Variants in GXYLT2 observed in about 807,000 individuals in gnomAD.
GXYLT2 encodes the protein glycosyltransferase 8 domain containing 4.
Under a neutral mutation model 45.8 loss-of-function variants are expected in GXYLT2, and 53 were observed. That is an observed-to-expected ratio of 1.16 (90% CI 0.93 to 1.46). The LOEUF (loss-of-function observed/expected upper bound fraction) is 1.46. GXYLT2 is among the 40% of genes most tolerant of loss of function. The pLI is 0.00. For synonymous variants in GXYLT2, 219 were observed against 214.2 expected, an observed-to-expected ratio of 1.02 and a Z score of -0.19; for missense variants, 551 against 544.4, an observed-to-expected ratio of 1.01 and a Z score of -0.12.
At chr3:72,894,595 T>C (rs1267112275) in intron 1 of GXYLT2, among the ~76,000 whole-genome samples, 1 of 152,176 alleles carries the variant, frequency 6.6e-6, no homozygotes, top group Non-Finnish European at 1.5e-5. Flanking sequence ...CGCACCTGAA[T>C]GTGTGTTCCA....
At position 72,955,130 on chromosome 3, in the gene GXYLT2, C is replaced by T. The variant is rs1199772483; in HGVS notation, c.633C>T (p.Tyr211=). ...TAAAGGATGTGGACTCACTTCTCTA[C>T]GTGGACACCGATGTCCTCTTTCTGA... ...VILKDVDSLL[Y]VDTDVLFLRP... is the part of the protein sequence containing the mutation. The change falls in exon 4 of 7, where the codon TAC becomes TAT. Residue 211 remains tyrosine, a synonymous_variant. Coordinates refer to ENST00000389617, the MANE Select transcript of GXYLT2 (RefSeq NM_001080393.2). The T allele has an allele frequency of 6.8e-6, 11 of 1,613,960 alleles. No homozygotes were observed. Among genetic ancestry groups the T allele is most frequent in the Middle Eastern group, 1.6e-4 (1 of 6,062 alleles).
In GXYLT2 at chr3:72,967,670, A is replaced by G. The variant is rs771827384; in HGVS notation, c.1100A>G (p.His367Arg). Residue 367 changes from histidine (H) to arginine (R), a missense_variant, in exon 6 of 7, where the codon CAT becomes CGT. Transcript: ENST00000389617. ...CTGCATGGAAACCGAGGCGTCTACC[A>G]TGACGATAAGCAACCAACGTTCAGA... is the stretch of plus-strand genomic sequence containing the variant. The part of the protein sequence containing the change: ...SVLHGNRGVY[H>R]DDKQPTFRAL... 1.2e-5 allele frequency: 20 copies of G among 1,613,880 alleles called. No homozygotes were observed. The highest frequency in any genetic ancestry group is 1.6e-5 in the Non-Finnish European group (19 of 1,179,872).
At chr3:72,946,404 A>G (rs1710407190) in intron 3 of GXYLT2, among the ~76,000 whole-genome samples, 2 of 152,216 alleles carry the variant, frequency 1.3e-5, no homozygotes, top group East Asian at 1.9e-4. Flanking sequence ...AGACTAAGTC[A>G]TTCCAGAAGG....
chr3:72,975,068 C>T lies in GXYLT2; in HGVS notation c.1241C>T (p.Pro414Leu), dbSNP rs1405662447. The change falls in exon 7 of 7, where the codon CCG becomes CTG. Residue 414 changes from proline (P) to leucine (L), a missense_variant. Physicochemically the swap from Pro to Leu is moderately conservative, Grantham distance 98. Transcript: ENST00000389617. ...GTGCACACTTTATGTGGACGAATCC[C>T]GCAAGTTTTTCTGAAGCAAATTGAG... ...ETVHTLCGRI[P>L]QVFLKQIEKT... 3.1e-6 allele frequency: 5 copies of T among 1,613,316 alleles called. No homozygotes were observed. Among genetic ancestry groups the T allele is most frequent in the African/African-American group, 1.3e-5 (1 of 74,852 alleles).
At chr3:72,889,722 T>G (rs1709141296) in intron 1 of GXYLT2, among the ~76,000 whole-genome samples, 1 of 152,206 alleles carries the variant, frequency 6.6e-6, no homozygotes, top group Non-Finnish European at 1.5e-5. Context: ...ATATGATTGC[T>G]AAGTTTGATG....
rs549040869 is a variant in GXYLT2 at position 72,915,356 on chromosome 3, CGGG to C, written c.468+6808_468+6810del. 1.0e-3 allele frequency among the ~76,000 whole-genome samples: 18 copies of C among 17,448 alleles called. 1 individual carries two copies. Among genetic ancestry groups the C allele is most frequent in the East Asian group, 3.0e-3 (1 of 336 alleles). 11.4% of individuals were successfully genotyped at this position (17,448 alleles called of 152,430 possible). ...CCATTTCCTTTTTTTTTTTTTTTTGCGGGGGGGGGGGGGATTTAGGAAAAATAG... is the reference window on the plus strand; with the variant it reads ...CCATTTCCTTTTTTTTTTTTTTTTGCGGGGGGGGGGATTTAGGAAAAATAG... On this transcript the variant is annotated intron_variant, in intron 2 of 6. Transcript: ENST00000389617.
At chr3:72,893,761 G>A (rs1042778541) in intron 1 of GXYLT2, among the ~76,000 whole-genome samples, 1 of 152,208 alleles carries the variant, frequency 6.6e-6, no homozygotes, top group African/African-American at 2.4e-5. Context: ...TCGAAGAATA[G>A]TGAGGGTCTT....
At chr3:72,894,664 A>C (rs1709248461) in intron 1 of GXYLT2, among the ~76,000 whole-genome samples, 1 of 152,246 alleles carries the variant, frequency 6.6e-6, no homozygotes, top group South Asian at 2.1e-4. Flanking sequence ...AGTGAGGAAC[A>C]TCTGAGCCCT....
intron 2 of GXYLT2, among the ~76,000 whole-genome samples, chr3:72,912,848 TA>T (rs1282982221): frequency 6.6e-6 from 1 of 152,210 alleles, no homozygotes; most frequent in African/African-American, 2.4e-5. Context: ...GTAAGCATAA[TA>T]AATGATTGTT....
chr3:72,975,043 G>A lies in GXYLT2; in HGVS notation c.1216G>A (p.Val406Met). The part of the protein sequence containing the change: ...YPLQLKFLET[V>M]HTLCGRIPQV... ...CCTTCAGCTGAAGTTTTTGGAGACT[G>A]TGCACACTTTATGTGGACGAATCCC... Residue 406 changes from valine (V) to methionine (M), a missense_variant, in exon 7 of 7, where the codon GTG (valine) becomes ATG (methionine). Val to Met is a conservative substitution (Grantham distance 21, BLOSUM62 1). Coordinates refer to ENST00000389617, the MANE Select transcript of GXYLT2 (RefSeq NM_001080393.2). 6.2e-7 allele frequency: 1 copy of A among 1,613,024 alleles called. No homozygotes were observed. Among genetic ancestry groups the A allele is most frequent in the East Asian group, 2.2e-5 (1 of 44,842 alleles).
At position 72,888,284 on chromosome 3, in the gene GXYLT2, GC is replaced by G. The variant is rs1559720900; in HGVS notation, c.52del (p.Leu18CysfsTer132). On this transcript the variant is annotated frameshift_variant, in exon 1 of 7. Transcript: ENST00000389617. LOFTEE classifies it high-confidence loss of function. Reference sequence around the variant, plus strand: ...CGCTGCTCTTGCTCGCGCTGGCCGCGCTGCTGCTGGCGCTGCTGTCCCTGCG... The same window carrying G: ...CGCTGCTCTTGCTCGCGCTGGCCGCGTGCTGCTGGCGCTGCTGTCCCTGCG... ...AALLLLALAA[L>X]LLALLSLRAG... 7 of 993,958 alleles carry G rather than the reference GC, an allele frequency of 7.0e-6. No homozygotes were observed. Among genetic ancestry groups the G allele is most frequent in the Admixed American group, 1.2e-4 (2 of 16,266 alleles). 61.6% of individuals were successfully genotyped at this position (993,958 alleles called of 1,614,324 possible).
In GXYLT2 at chr3:72,955,309, T is replaced by C; in HGVS notation, c.812T>C (p.Met271Thr). Residue 271 changes from methionine to threonine, a missense_variant, in exon 4 of 7, where the codon ATG becomes ACG. Transcript: ENST00000389617. Reference protein sequence around the residue: ...YGSAGVNSGVMLMNLTRIRST... With the variant: ...YGSAGVNSGVTLMNLTRIRST... Reference sequence around the variant, plus strand: ...TCTGCAGGAGTTAATTCAGGAGTCATGTTAATGAATTTAACTCGGATAAGA... The same window carrying C: ...TCTGCAGGAGTTAATTCAGGAGTCACGTTAATGAATTTAACTCGGATAAGA... 2 of 1,614,000 alleles carry C rather than the reference T, an allele frequency of 1.2e-6. No individual in the cohort carries two copies. The highest frequency in any genetic ancestry group is 1.7e-6 in the Non-Finnish European group (2 of 1,179,868).
At chr3:72,905,776 C>G (rs75276781) in intron 1 of GXYLT2, among the ~76,000 whole-genome samples, 1,901 of 152,306 alleles carry the variant, frequency 0.012, 12 homozygotes, top group Non-Finnish European at 0.022. Flanking sequence ...TGCCCCATAT[C>G]CACATGAAAG....
At chr3:72,894,318 T>A (rs550649699) in intron 1 of GXYLT2, among the ~76,000 whole-genome samples, 2 of 152,302 alleles carry the variant, frequency 1.3e-5, no homozygotes, top group South Asian at 4.1e-4. Context: ...GATGGTTCTT[T>A]TAAATCAAAA....
intron 1 of GXYLT2, among the ~76,000 whole-genome samples, chr3:72,907,785 C>T (rs1462931631): frequency 6.6e-6 from 1 of 152,132 alleles, no homozygotes; most frequent in African/African-American, 2.4e-5. Flanking sequence ...AGGATTAACA[C>T]CTGTTTCTTC....
At chr3:72,915,252 AAG>A (rs1472793409) in intron 2 of GXYLT2, among the ~76,000 whole-genome samples, 2 of 151,160 alleles carry the variant, frequency 1.3e-5, no homozygotes, top group African/African-American at 4.9e-5. Flanking sequence ...CCTTTAAAGA[AAG>A]AAAAAAAAGC....
intron 1 of GXYLT2, among the ~76,000 whole-genome samples, chr3:72,906,593 G>A (rs550484409): frequency 5.1e-4 from 63 of 124,560 alleles, no homozygotes; most frequent in Non-Finnish European, 5.8e-4. Flanking sequence ...CAGTGCAGGC[G>A]TCTTTGTTTT....
chr3:72,913,738 G>C (rs1005549773), intron 2 of GXYLT2, among the ~76,000 whole-genome samples: 19 of 151,994 alleles, frequency 1.3e-4, no homozygotes, highest in African/African-American at 4.6e-4. Flanking sequence ...AACTAGGCAG[G>C]GTGTATACTA....
intron 5 of GXYLT2, among the ~76,000 whole-genome samples, chr3:72,962,875 T>C (rs954482884): frequency 6.6e-6 from 1 of 151,884 alleles, no homozygotes; most frequent in African/African-American, 2.4e-5. Flanking sequence ...AAAAAAGTAA[T>C]TGCCTTTTTT....
Sources: allele counts gnomAD v4.1 joint callset (sites outside exome capture counted in the v4.1 genomes callset), GRCh38; gene constraint gnomAD v4.1.1; transcripts MANE v1.5; gene names NCBI Gene and HGNC (gene_info 2026-07-23, HGNC 2026-07-21).